MED12L: variants seen among roughly 807,000 people sequenced by gnomAD.
The protein encoded by MED12L is mediator complex subunit 12L.
A neutral mutation model predicts 281.3 loss-of-function variants in MED12L; 60 were observed. The ratio of observed to expected loss-of-function variants is 0.21; its 90% CI spans 0.17 to 0.26. MED12L has a LOEUF of 0.26. Ranked by LOEUF, MED12L falls within the 10% of genes least tolerant of loss-of-function variation. MED12L has a pLI of 1.00. For missense variants in MED12L, 2,146 were observed against 2,680.9 expected, an observed-to-expected ratio of 0.80 and a Z score of 4.41; for synonymous variants, 974 against 987.2, an observed-to-expected ratio of 0.99 and a Z score of 0.25.
intron 41 of MED12L, 58 bp downstream of exon 41, chr3:151,411,565 A>T: frequency 6.9e-7 from 1 of 1,459,314 alleles, no homozygotes; most frequent in Non-Finnish European, 9.6e-7. Context: ...CGGGTTTCTT[A>T]TGCTTCTTAT....
At chr3:151,321,725 T>C (rs1749019225) in intron 16 of MED12L, among the ~76,000 whole-genome samples, 2 of 152,218 alleles carry the variant, frequency 1.3e-5, no homozygotes, top group Admixed American at 1.3e-4. Context: ...GAGTAAGTTA[T>C]GTAATTTTTA....
At chr3:151,306,594 G>T (rs1746690807) in intron 16 of MED12L, among the ~76,000 whole-genome samples, 1 of 152,214 alleles carries the variant, frequency 6.6e-6, no homozygotes, top group African/African-American at 2.4e-5. Flanking sequence ...ACCCAGCCTT[G>T]TGGTCCACAC....
chr3:151,281,232 CAAAAAAAAAA>C (rs35035320), intron 16 of MED12L, among the ~76,000 whole-genome samples: 694 of 49,988 alleles, frequency 0.014, 7 homozygotes, highest in African/African-American at 0.05. Flanking sequence ...ACCAAAAATA[CAAAAAAAAAA>C]AAAAAAAAAA....
At chr3:151,230,928 G>C (rs1481030432) in intron 16 of MED12L, among the ~76,000 whole-genome samples, 2 of 152,108 alleles carry the variant, frequency 1.3e-5, no homozygotes, top group African/African-American at 4.8e-5. Flanking sequence ...TTTCCGATCA[G>C]GTACAGGAAA....
chr3:151,311,733 CA>C (rs1747549962), intron 16 of MED12L, among the ~76,000 whole-genome samples: 1 of 152,044 alleles, frequency 6.6e-6, no homozygotes, highest in African/African-American at 2.4e-5. Flanking sequence ...ATCTAGTAAA[CA>C]GTTAATTTTA....
intron 20 of MED12L, among the ~76,000 whole-genome samples, chr3:151,358,164 T>C (rs1560072673): frequency 2.0e-5 from 3 of 152,196 alleles, no homozygotes; most frequent in Admixed American, 1.3e-4. Flanking sequence ...TAGAATGATA[T>C]CAATTTAACA....
At chr3:151,166,677 TC>T (rs1336943043) in intron 11 of MED12L, among the ~76,000 whole-genome samples, 1 of 149,116 alleles carries the variant, frequency 6.7e-6, no homozygotes, top group East Asian at 1.9e-4. Context: ...GGGACCTCAG[TC>T]TTTTTTTTTT....
chr3:151,343,095 G>A (rs556840103), intron 16 of MED12L, among the ~76,000 whole-genome samples: 2 of 152,126 alleles, frequency 1.3e-5, no homozygotes, highest in African/African-American at 2.4e-5. Context: ...CCCACTAAGA[G>A]GCCCCAGTAG....
In MED12L at chr3:151,199,210, G is replaced by A. The variant is rs150296778; in HGVS notation, c.2250+5544G>A. 2.6e-5 allele frequency: 42 copies of A among 1,613,808 alleles called. 1 individual carries two copies. In the Middle Eastern group the frequency reaches 6.6e-4, roughly 25 times the overall value. On this transcript the variant is annotated intron_variant, in intron 16 of 44. Transcript: ENST00000687756. ...GTAATGCCAGAGTAAGCAGGAAATCGGCTGTAAGCAAATTAATTAAGTAGA... is the reference window on the plus strand; with the variant it reads ...GTAATGCCAGAGTAAGCAGGAAATCAGCTGTAAGCAAATTAATTAAGTAGA...
intron 39 of MED12L, among the ~76,000 whole-genome samples, chr3:151,402,576 G>A (rs1446026013): frequency 1.3e-5 from 2 of 152,276 alleles, no homozygotes; most frequent in Admixed American, 6.5e-5. Context: ...GCCCTAGGGC[G>A]GGAAGGACCC....
intron 8 of MED12L, among the ~76,000 whole-genome samples, chr3:151,160,928 A>G (rs1050689860): frequency 1.3e-5 from 2 of 152,228 alleles, no homozygotes; most frequent in Non-Finnish European, 2.9e-5. Flanking sequence ...AGAAGTAGTA[A>G]AAGTTTCCTG....
At chr3:151,419,922 G>GT (rs1718049613) in intron 43 of MED12L, among the ~76,000 whole-genome samples, 1 of 152,122 alleles carries the variant, frequency 6.6e-6, no homozygotes, top group African/African-American at 2.4e-5. Flanking sequence ...AAAGGAGGAA[G>GT]TACTCATGAC....
At chr3:151,304,355 C>T (rs553110206) in intron 16 of MED12L, among the ~76,000 whole-genome samples, 9 of 152,268 alleles carry the variant, frequency 5.9e-5, no homozygotes, top group African/African-American at 2.2e-4. Flanking sequence ...TGGTGGATCA[C>T]CTGAGGTCAG....
chr3:151,218,397 G>A (rs1489527919), intron 16 of MED12L, among the ~76,000 whole-genome samples: 1 of 152,198 alleles, frequency 6.6e-6, no homozygotes, highest in Non-Finnish European at 1.5e-5. Flanking sequence ...GCCAGTTTGT[G>A]TAGGTGTCTG....
intron 16 of MED12L, among the ~76,000 whole-genome samples, chr3:151,320,978 T>G (rs533715720): frequency 3.1e-4 from 47 of 152,180 alleles, no homozygotes; most frequent in Non-Finnish European, 5.7e-4. Flanking sequence ...AGGATAAATA[T>G]ATACAGTGTA....
intron 16 of MED12L, among the ~76,000 whole-genome samples, chr3:151,253,667 G>A (rs890261964): frequency 3.3e-5 from 5 of 152,204 alleles, no homozygotes; most frequent in Non-Finnish European, 4.4e-5. Context: ...GAGGGGGTGG[G>A]TGGGTATTTT....
chr3:151,340,485 G>T (rs1264993951), intron 16 of MED12L: 1 of 152,508 alleles, frequency 6.6e-6, no homozygotes, highest in East Asian at 1.9e-4. Context: ...ATACATGCTT[G>T]CATTGATAGT....
rs190373963 is a variant in MED12L, at chr3:151,365,834, T to G, written c.3186-16T>G. The G allele has an allele frequency of 1.2e-6, 2 of 1,600,238 alleles. No individual in the cohort carries two copies. The highest frequency in any genetic ancestry group is 4.5e-5 in the East Asian group (2 of 44,754). ...TTGTACAAGGTTACTTTCTGTGTCT[T>G]CTTTTTCTTTTCTAGGATTAACGAC... On this transcript the variant is annotated splice_polypyrimidine_tract_variant and intron_variant, in intron 22 of 44. Coordinates refer to ENST00000687756, the MANE Select transcript of MED12L (RefSeq NM_001393769.1).
chr3:151,181,316 A>G (rs1276849095), intron 11 of MED12L, among the ~76,000 whole-genome samples: 3 of 152,300 alleles, frequency 2.0e-5, no homozygotes, highest in Admixed American at 6.5e-5. Flanking sequence ...GAAATGTAAA[A>G]GTGAAATCTA....
Sources: gnomAD v4.1 joint callset for allele counts (sites outside exome capture counted in the v4.1 genomes callset) on GRCh38, gnomAD v4.1.1 for gene constraint, MANE v1.5 for transcripts, NCBI Gene and HGNC (gene_info 2026-07-23, HGNC 2026-07-21) for gene names.